The following SPATA6 variants were observed in gnomAD, a reference collection of about 807,000 sequenced individuals.
The protein encoded by SPATA6 is spermatogenesis associated 6.
In SPATA6, 56 loss-of-function variants were observed where a neutral mutation model predicts 65.3. The observed-to-expected ratio is 0.86, with a 90% confidence interval of 0.69 to 1.07. The LOEUF (loss-of-function observed/expected upper bound fraction) is 1.07, where lower values mean the gene tolerates loss of function less well. SPATA6 is among the 50% of genes least tolerant of loss of function. The pLI, the probability that SPATA6 is intolerant of heterozygous loss-of-function variation, is 0.00. For missense variants in SPATA6, 590 were observed against 594.8 expected, an observed-to-expected ratio of 0.99 and a Z score of 0.08; for synonymous variants, 199 against 213.2, an observed-to-expected ratio of 0.93 and a Z score of 0.58.
chr1:48,347,615 T>C (rs1646407171), intron 11 of SPATA6, among the ~76,000 whole-genome samples: 1 of 151,258 alleles, frequency 6.6e-6, no homozygotes, highest in Non-Finnish European at 1.5e-5. Flanking sequence ...TAAGAATAGT[T>C]AAACAATAAC....
intron 11 of SPATA6, chr1:48,325,211 G>A (rs1471630395): frequency 2.8e-6 from 2 of 712,122 alleles, no homozygotes; most frequent in East Asian, 5.0e-5. Context: ...CACTGCTGCT[G>A]GCACAATGGG....
chr1:48,368,382 CAG>C (rs1314205480), intron 9 of SPATA6, among the ~76,000 whole-genome samples: 1 of 152,224 alleles, frequency 6.6e-6, no homozygotes, highest in Admixed American at 6.5e-5. Flanking sequence ...TAATATCCTG[CAG>C]AGTGTTTTTC....
intron 3 of SPATA6, among the ~76,000 whole-genome samples, chr1:48,437,770 T>C (rs1221840411): frequency 6.6e-6 from 1 of 151,374 alleles, no homozygotes. Context: ...TCACTTGAAA[T>C]ATATACAGAA....
At chr1:48,466,932 T>C (rs983739843) in intron 1 of SPATA6, among the ~76,000 whole-genome samples, 3 of 152,056 alleles carry the variant, frequency 2.0e-5, no homozygotes, top group Non-Finnish European at 2.9e-5. Flanking sequence ...CTCCAATATC[T>C]TCCATTTTCC....
intron 12 of SPATA6, among the ~76,000 whole-genome samples, chr1:48,302,837 C>A (rs1360186851): frequency 6.6e-6 from 1 of 151,994 alleles, no homozygotes; most frequent in Non-Finnish European, 1.5e-5. Flanking sequence ...TACTGTCTGC[C>A]CCAACCAGTA....
chr1:48,278,396 G>A, the SPATA6 span, among the ~76,000 whole-genome samples: 1 of 152,186 alleles, frequency 6.6e-6, no homozygotes, highest in African/African-American at 2.4e-5. Context: ...GCTACAGGAG[G>A]AAATTCAAAC....
At chr1:48,279,878 C>A in the SPATA6 span, among the ~76,000 whole-genome samples, 4 of 152,178 alleles carry the variant, frequency 2.6e-5, no homozygotes, top group African/African-American at 9.7e-5. Flanking sequence ...ACAGAATATA[C>A]ATTCTTTTCA....
chr1:48,279,616 C>T, the SPATA6 span, among the ~76,000 whole-genome samples: 44 of 152,274 alleles, frequency 2.9e-4, no homozygotes, highest in African/African-American at 9.9e-4. Flanking sequence ...GGGATCAATT[C>T]AACAAGAAGA....
At chr1:48,311,539 A>T (rs991491752) in intron 11 of SPATA6, among the ~76,000 whole-genome samples, 2 of 152,162 alleles carry the variant, frequency 1.3e-5, no homozygotes. Context: ...CCTATAATAA[A>T]GAAAGAGAGT....
intron 11 of SPATA6, among the ~76,000 whole-genome samples, chr1:48,323,640 C>A (rs1250945839): frequency 6.8e-6 from 1 of 147,680 alleles, no homozygotes; most frequent in Non-Finnish European, 1.5e-5. Context: ...AGAGGAGACC[C>A]AAATAAATAA....
chr1:48,311,641 G>A (rs115296102), intron 11 of SPATA6, among the ~76,000 whole-genome samples: 1 of 152,186 alleles, frequency 6.6e-6, no homozygotes. Flanking sequence ...CCCAACGTGA[G>A]CGACACAGAA....
intron 9 of SPATA6, among the ~76,000 whole-genome samples, chr1:48,376,414 G>A (rs1647914215): frequency 6.6e-6 from 1 of 151,766 alleles, no homozygotes; most frequent in South Asian, 2.1e-4. Flanking sequence ...TTCAATAAAT[G>A]GTATCATCAA....
At chr1:48,437,105 T>C in intron 3 of SPATA6, 2 of 1,597,974 alleles carry the variant, frequency 1.3e-6, no homozygotes, top group South Asian at 1.1e-5. Context: ...CAGGATTCAA[T>C]ACTTTCACGG....
rs375907200 is a variant in SPATA6, at chr1:48,359,544, T to C, written c.1094+42A>G. ...TGCTGCTTCCCCTTCTAATACTTATTATTCAAAGATCAGTACAGAAATGAA... is the reference window on the plus strand; with the variant it reads ...TGCTGCTTCCCCTTCTAATACTTATCATTCAAAGATCAGTACAGAAATGAA... On this transcript the variant is annotated intron_variant, in intron 10 of 12. Coordinates refer to ENST00000371847, the MANE Select transcript of SPATA6 (RefSeq NM_019073.4). 4 of 1,560,236 alleles carry C rather than the reference T, an allele frequency of 2.6e-6. No homozygotes were observed. In the African/African-American group the frequency reaches 4.1e-5, roughly 16 times the overall value.
At chr1:48,422,233 T>A (rs1192048182) in intron 3 of SPATA6, among the ~76,000 whole-genome samples, 1 of 152,212 alleles carries the variant, frequency 6.6e-6, no homozygotes, top group Admixed American at 6.5e-5. Flanking sequence ...GACAAATTAT[T>A]TTTTAAAATC....
intron 12 of SPATA6, among the ~76,000 whole-genome samples, chr1:48,302,777 T>C (rs896068278): frequency 6.6e-5 from 10 of 152,180 alleles, no homozygotes; most frequent in Middle Eastern, 3.4e-3. Flanking sequence ...CAGGAATAAG[T>C]AGAACTTTAT....
intron 1 of SPATA6, among the ~76,000 whole-genome samples, chr1:48,463,801 T>C (rs1169294010): frequency 6.6e-6 from 1 of 152,028 alleles, no homozygotes; most frequent in Non-Finnish European, 1.5e-5. Context: ...AGTTGACTCA[T>C]AAAGCTAAAA....
intron 9 of SPATA6, among the ~76,000 whole-genome samples, chr1:48,362,513 A>T (rs969061788): frequency 2.0e-5 from 3 of 152,162 alleles, no homozygotes; most frequent in Non-Finnish European, 4.4e-5. Flanking sequence ...ATATTCACTG[A>T]GAATCTCTTG....
chr1:48,345,534 C>A (rs1297774191), intron 11 of SPATA6, among the ~76,000 whole-genome samples: 1 of 151,894 alleles, frequency 6.6e-6, no homozygotes, highest in Admixed American at 6.6e-5. Context: ...AAAAACCATT[C>A]AAAAGATCAA....
Sources: gnomAD v4.1 joint callset for allele counts (sites outside exome capture counted in the v4.1 genomes callset) on GRCh38, gnomAD v4.1.1 for gene constraint, MANE v1.5 for transcripts, NCBI Gene and HGNC (gene_info 2026-07-23, HGNC 2026-07-21) for gene names.